The following ATXN2 variants were observed in gnomAD, a reference collection of about 807,000 sequenced individuals.
ATXN2 encodes the protein ataxin 2, also known as ataxin-2.
In ATXN2, 37 loss-of-function variants were observed where a neutral mutation model predicts 138.6. That is an observed-to-expected ratio of 0.27 (90% CI 0.21 to 0.35). The LOEUF is 0.35. ATXN2 is among the 10% of genes least tolerant of loss of function. ATXN2 has a pLI of 1.00. For missense variants in ATXN2, 1,216 were observed against 1,480.3 expected (o/e 0.82, Z 2.93); for synonymous variants, 549 against 543.7 (o/e 1.01, Z -0.13).
chr12:111,551,689 A>T (rs1344140712), intron 5 of ATXN2, among the ~76,000 whole-genome samples: 1 of 152,204 alleles, frequency 6.6e-6, no homozygotes, highest in Non-Finnish European at 1.5e-5. Context: ...TTTCAGTTGA[A>T]TATAATCAGT....
At position 111,488,544 on chromosome 12, in the gene ATXN2, C is replaced by A; in HGVS notation, c.2172G>T (p.Gly724=). 6.2e-7 allele frequency: 1 copy of A among 1,614,106 alleles called. No homozygotes were observed. Among genetic ancestry groups the A allele is most frequent in the Non-Finnish European group, 8.5e-7 (1 of 1,180,022 alleles). ...HKRGPEVTSQ[G]VQTSSPACKQ... ...TACATGCTGGGCTGGAAGTCTGAAC[C>A]CCTTGGGAAGTGACCTCAGGTCCCC... Residue 724 remains glycine, a synonymous_variant, in exon 15 of 25, where the codon GGG becomes GGT. Transcript: ENST00000673436.
chr12:111,535,307 G>A (rs771750819), intron 5 of ATXN2, among the ~76,000 whole-genome samples: 12 of 152,106 alleles, frequency 7.9e-5, no homozygotes, highest in South Asian at 2.1e-4. Context: ...GATTCTTCAC[G>A]TTGGGATTAA....
intron 23 of ATXN2, chr12:111,455,756 A>G: frequency 1.9e-6 from 1 of 533,538 alleles, no homozygotes; most frequent in South Asian, 2.0e-5. Context: ...CACAGAAAGG[A>G]AAGAAGGACT....
At position 111,452,729 on chromosome 12, in the gene ATXN2, A is replaced by T. The variant is rs1370468037; in HGVS notation, c.*83T>A. 3 of 1,397,638 alleles carry T rather than the reference A, an allele frequency of 2.1e-6. No homozygotes were observed. Among genetic ancestry groups the T allele is most frequent in the Non-Finnish European group, 3.0e-6 (3 of 986,266 alleles). The allele number at this position is 1,397,638 out of a possible 1,614,324, so 86.6% of individuals were successfully genotyped here. On this transcript the variant is annotated 3_prime_UTR_variant, in exon 25 of 25. Coordinates refer to ENST00000673436, the MANE Select transcript of ATXN2 (RefSeq NM_001372574.1). ...TATATTTTAAAAACAAAATAAATGA[A>T]ATTCTAGTTTTCTGTGCTTCCAGTT...
At chr12:111,590,821 C>T (rs1884618128) in intron 1 of ATXN2, among the ~76,000 whole-genome samples, 1 of 152,072 alleles carries the variant, frequency 6.6e-6, no homozygotes, top group Non-Finnish European at 1.5e-5. Context: ...CTGGGAACTG[C>T]ATATAGCAAG....
At chr12:111,470,418 T>C (rs528509864) in intron 19 of ATXN2, 140 bp downstream of exon 19, 17 of 1,159,934 alleles carry the variant, frequency 1.5e-5, no homozygotes, top group Non-Finnish European at 1.9e-5. Flanking sequence ...TTCGAATATA[T>C]ATTGAAAAGG....
chr12:111,546,961 T>G (rs1423976259), intron 5 of ATXN2, among the ~76,000 whole-genome samples: 1 of 152,240 alleles, frequency 6.6e-6, no homozygotes, highest in Non-Finnish European at 1.5e-5. Flanking sequence ...AACTGGAACA[T>G]GTATAACATT....
chr12:111,482,221 G>A (rs1877293151), intron 18 of ATXN2, among the ~76,000 whole-genome samples: 2 of 136,930 alleles, frequency 1.5e-5, no homozygotes, highest in South Asian at 2.3e-4. Flanking sequence ...TTGAGACGGA[G>A]TCTCGCTCTG....
At chr12:111,580,856 A>G (rs894809749) in intron 1 of ATXN2, among the ~76,000 whole-genome samples, 20 of 152,118 alleles carry the variant, frequency 1.3e-4, no homozygotes, top group South Asian at 2.1e-4. Context: ...AACGACAAAG[A>G]AAGGCCAGGC....
At chr12:111,529,756 C>T in intron 5 of ATXN2, among the ~76,000 whole-genome samples, 1 of 152,208 alleles carries the variant, frequency 6.6e-6, no homozygotes, top group East Asian at 1.9e-4. Context: ...AATAATGCCT[C>T]TGAAAAATCA....
At chr12:111,561,111 G>C (rs943617591) in intron 1 of ATXN2, among the ~76,000 whole-genome samples, 2 of 151,566 alleles carry the variant, frequency 1.3e-5, no homozygotes, top group African/African-American at 2.4e-5. Context: ...TGTGAACTTG[G>C]GAGGCGGAGC....
chr12:111,573,045 TTAA>T (rs971000303), intron 1 of ATXN2, among the ~76,000 whole-genome samples: 34 of 147,796 alleles, frequency 2.3e-4, no homozygotes, highest in African/African-American at 8.2e-4. Context: ...TTTCAAAATT[TTAA>T]AAAAAAAAAA....
At chr12:111,526,508 G>GA (rs1165312018) in intron 5 of ATXN2, among the ~76,000 whole-genome samples, 2 of 151,236 alleles carry the variant, frequency 1.3e-5, no homozygotes, top group Admixed American at 6.6e-5. Context: ...AGGTTCAAGG[G>GA]AATCTCCTGC....
At chr12:111,572,057 C>A (rs1426314673) in intron 1 of ATXN2, among the ~76,000 whole-genome samples, 1 of 148,670 alleles carries the variant, frequency 6.7e-6, no homozygotes, top group Admixed American at 6.8e-5. Context: ...AGAAAACGTG[C>A]AAACATACAC....
intron 1 of ATXN2, among the ~76,000 whole-genome samples, chr12:111,572,917 G>A (rs1883415324): frequency 6.6e-6 from 1 of 152,082 alleles, no homozygotes; most frequent in Non-Finnish European, 1.5e-5. Flanking sequence ...CACATTCACA[G>A]CCCATGATAT....
At chr12:111,545,729 T>A (rs1472367934) in intron 5 of ATXN2, among the ~76,000 whole-genome samples, 3 of 151,502 alleles carry the variant, frequency 2.0e-5, no homozygotes, top group African/African-American at 7.3e-5. Flanking sequence ...GAGGCCAAGG[T>A]GGGAAGACTC....
intron 1 of ATXN2, among the ~76,000 whole-genome samples, chr12:111,558,591 A>C (rs758922929): frequency 6.6e-6 from 1 of 152,148 alleles, no homozygotes; most frequent in Non-Finnish European, 1.5e-5. Context: ...TGAGTGCCGG[A>C]GTTTGAGATC....
intron 18 of ATXN2, among the ~76,000 whole-genome samples, chr12:111,484,251 A>T (rs1308280603): frequency 6.6e-6 from 1 of 152,040 alleles, no homozygotes; most frequent in Admixed American, 6.6e-5. Flanking sequence ...TTCAGATTTA[A>T]ATCAGATTTC....
chr12:111,598,700 G>T lies in ATXN2; in HGVS notation c.251+84C>A, dbSNP rs1184768907. On this transcript the variant is annotated intron_variant, in intron 1 of 24. Coordinates refer to ENST00000673436, the MANE Select transcript of ATXN2 (RefSeq NM_001372574.1). This position sits in a 1 kb window ranked among gnomAD's most constrained non-coding sequence, Gnocchi z 4.5. Reference sequence around the variant, plus strand: ...CAGCCCACCCCGGGTAGCCCGGCGGGTCACGGGGCGGGGACGGCGGCGCGG... The same window carrying T: ...CAGCCCACCCCGGGTAGCCCGGCGGTTCACGGGGCGGGGACGGCGGCGCGG... 1.1e-6 allele frequency: 1 copy of T among 904,230 alleles called. No homozygotes were observed. The highest frequency in any genetic ancestry group is 1.4e-6 in the Non-Finnish European group (1 of 733,784). The allele number at this position is 904,230 out of a possible 1,614,324, so 56.0% of individuals were successfully genotyped here. A position where few individuals can be genotyped will look rare whatever the true frequency, so the allele number is the denominator to read the frequency against.
Sources: allele counts gnomAD v4.1 joint callset (sites outside exome capture counted in the v4.1 genomes callset), GRCh38; gene constraint gnomAD v4.1.1; non-coding constraint Gnocchi (gnomAD v3.1); transcripts MANE v1.5; gene names NCBI Gene and HGNC (gene_info 2026-07-23, HGNC 2026-07-21).